OPHN1: variants seen among roughly 807,000 people sequenced by gnomAD.
OPHN1 encodes oligophrenin-1.
Under a neutral mutation model 60.7 loss-of-function variants are expected in OPHN1, and 11 were observed. That is an observed-to-expected ratio of 0.18 (90% CI 0.11 to 0.30). The LOEUF (loss-of-function observed/expected upper bound fraction) is 0.30, where lower values mean the gene tolerates loss of function less well. Ranked by LOEUF, OPHN1 falls within the 10% of genes least tolerant of loss-of-function variation. The pLI is 1.00. For missense variants in OPHN1, 449 were observed against 611.0 expected (o/e 0.73, Z 2.80); for synonymous variants, 226 against 222.6 (o/e 1.02, Z -0.14).
intron 2 of OPHN1, among the ~76,000 whole-genome samples, chrX:68,399,257 G>A (rs774256745): frequency 4.5e-5 from 5 of 111,214 alleles, no homozygotes; most frequent in Admixed American, 9.7e-5. Flanking sequence ...CCACCTAACC[G>A]GTCTCCCTTC....
intron 23 of OPHN1, among the ~76,000 whole-genome samples, 175 bp downstream of exon 23, chrX:68,052,365 C>G (rs1024032457): frequency 9.2e-5 from 10 of 109,066 alleles, no homozygotes; most frequent in African/African-American, 2.7e-4. Flanking sequence ...CACAGGTGAA[C>G]AGGTGACAGA....
At chrX:68,385,384 T>G (rs925537132) in intron 2 of OPHN1, among the ~76,000 whole-genome samples, 2 of 111,686 alleles carry the variant, frequency 1.8e-5, no homozygotes, top group Non-Finnish European at 3.8e-5. Flanking sequence ...TCCTGTCCAA[T>G]GCCAAAAGCA....
intron 16 of OPHN1, among the ~76,000 whole-genome samples, chrX:68,114,296 G>T (rs763255775): frequency 4.5e-5 from 5 of 111,360 alleles, no homozygotes; most frequent in Non-Finnish European, 9.4e-5. Context: ...ACCATTTCCA[G>T]TTCATCGATG....
intron 15 of OPHN1, among the ~76,000 whole-genome samples, chrX:68,136,291 CTTTTTTTTTTTTT>C (rs779712280): frequency 4.7e-5 from 3 of 64,155 alleles, no homozygotes; most frequent in African/African-American, 2.1e-4. Context: ...AATATCTTTT[CTTTTTTTTTTTTT>C]TTTTTTTTTT....
intron 6 of OPHN1, among the ~76,000 whole-genome samples, chrX:68,216,184 C>A (rs1168298260): frequency 1.8e-5 from 2 of 110,720 alleles, no homozygotes; most frequent in African/African-American, 6.6e-5. Flanking sequence ...AAACTAACCA[C>A]AAATGCATAT....
In OPHN1 at chrX:68,432,822, G is replaced by A. The variant is rs551509562; in HGVS notation, c.154+45C>T. The A allele has an allele frequency of 1.1e-4, 128 of 1,195,945 alleles. No homozygotes were observed. The South Asian group carries it at 2.1e-3, about 20-fold the overall frequency. On this transcript the variant is annotated intron_variant, in intron 2 of 24. Coordinates refer to ENST00000355520, the MANE Select transcript of OPHN1 (RefSeq NM_002547.3). Reference sequence around the variant, plus strand: ...GTGGTGTGGAAAGGCTTAAAGGCCAGACACACCAGCTCAGAGAAACAGCTC... The same window carrying A: ...GTGGTGTGGAAAGGCTTAAAGGCCAAACACACCAGCTCAGAGAAACAGCTC...
chrX:68,184,947 AAAAGATGAAGGC>A (rs749134652), intron 15 of OPHN1, among the ~76,000 whole-genome samples: 41 of 112,557 alleles, frequency 3.6e-4, no homozygotes, highest in Admixed American at 2.2e-3. Flanking sequence ...AGCACTGGGG[AAAAGATGAAGGC>A]AACAACAAGA....
chrX:68,264,891 G>T (rs1038338676), intron 5 of OPHN1, among the ~76,000 whole-genome samples: 2 of 112,614 alleles, frequency 1.8e-5, no homozygotes, highest in Non-Finnish European at 3.8e-5. Flanking sequence ...TCCCATGCAT[G>T]GCTTGGAGGG....
chrX:68,320,115 T>A (rs2078228400), intron 2 of OPHN1, among the ~76,000 whole-genome samples: 1 of 111,188 alleles, frequency 9.0e-6, no homozygotes, highest in African/African-American at 3.3e-5. Flanking sequence ...TTTGAGAGGC[T>A]GAGATGGGTG....
chrX:68,308,690 C>T (rs1168585946), intron 2 of OPHN1, among the ~76,000 whole-genome samples: 2 of 112,316 alleles, frequency 1.8e-5, no homozygotes, highest in South Asian at 3.7e-4. Flanking sequence ...GCTAACGTTG[C>T]TATTAACTAG....
intron 3 of OPHN1, among the ~76,000 whole-genome samples, chrX:68,294,360 C>T (rs1322111137): frequency 9.4e-6 from 1 of 106,739 alleles, no homozygotes; most frequent in Non-Finnish European, 1.9e-5. Context: ...GTAATCCCAG[C>T]TACTCGGGAG....
Position 68,272,750 on chromosome X carries a change from C to T in OPHN1, c.384+1988G>A, listed in dbSNP as rs181010045. ...ATGCATTTCTCAGAACAACATTAGGCGACGCATGACTGCACATAATACAAA... is the reference window on the plus strand; with the variant it reads ...ATGCATTTCTCAGAACAACATTAGGTGACGCATGACTGCACATAATACAAA... On this transcript the variant is annotated intron_variant, in intron 5 of 24. Transcript: ENST00000355520. 1.9e-4 allele frequency among the ~76,000 whole-genome samples: 21 copies of T among 111,774 alleles called. No homozygotes were observed. The East Asian group carries it at 5.1e-3, about 27-fold the overall frequency.
intron 15 of OPHN1, among the ~76,000 whole-genome samples, chrX:68,173,077 C>T (rs775483023): frequency 1.8e-5 from 2 of 110,598 alleles, no homozygotes; most frequent in Admixed American, 1.9e-4. Context: ...CCCATCGAGA[C>T]GTTCATCCAG....
chrX:68,432,775 C>T (rs2078892118), intron 2 of OPHN1, 92 bp downstream of exon 2: 4 of 1,017,474 alleles, frequency 3.9e-6, no homozygotes, highest in Admixed American at 2.2e-5. Flanking sequence ...CTGGGAGTCA[C>T]CCTGCAATCT....
intron 15 of OPHN1, among the ~76,000 whole-genome samples, chrX:68,125,890 T>TAACA (rs1305162931): frequency 1.3e-5 from 1 of 77,465 alleles, no homozygotes; most frequent in African/African-American, 4.7e-5. Flanking sequence ...AAAAACAAAC[T>TAACA]AACAAACAAA....
chrX:68,433,794 G>A (rs182270105), upstream of OPHN1: 10 of 296,408 alleles, frequency 3.4e-5, no homozygotes, highest in African/African-American at 1.4e-4. Flanking sequence ...GAGGGCGAGA[G>A]CGCGACGCAC....
intron 2 of OPHN1, among the ~76,000 whole-genome samples, chrX:68,367,905 C>G (rs779504214): frequency 8.9e-6 from 1 of 111,861 alleles, no homozygotes; most frequent in South Asian, 3.8e-4. Flanking sequence ...CCATGCAGAA[C>G]TGTGAGTCAA....
intron 22 of OPHN1, among the ~76,000 whole-genome samples, chrX:68,053,272 G>A (rs184977170): frequency 1.8e-5 from 2 of 112,426 alleles, no homozygotes. Context: ...CATAAGTACA[G>A]TGAATGAATC....
At chrX:68,067,442 C>T (rs757983193) in intron 20 of OPHN1, among the ~76,000 whole-genome samples, 4 of 110,320 alleles carry the variant, frequency 3.6e-5, no homozygotes, top group Non-Finnish European at 7.6e-5. Context: ...CTCAGGAATA[C>T]AAACTCTGCC....
Sources: gnomAD v4.1 joint callset for allele counts (sites outside exome capture counted in the v4.1 genomes callset) on GRCh38, gnomAD v4.1.1 for gene constraint, MANE v1.5 for transcripts, NCBI Gene and HGNC (gene_info 2026-07-23, HGNC 2026-07-21) for gene names.